The following MTCL3 variants were observed in gnomAD, a reference collection of about 807,000 sequenced individuals.
MTCL3 encodes the protein microtubule cross-linking factor 3.
the MTCL3 span, among the ~76,000 whole-genome samples, chr6:127,510,694 ACT>A: frequency 6.6e-6 from 1 of 152,152 alleles, no homozygotes; most frequent in Non-Finnish European, 1.5e-5. Flanking sequence ...AATTTAAAAC[ACT>A]CAAGGAATAT....
the MTCL3 span, among the ~76,000 whole-genome samples, chr6:127,511,754 G>A: frequency 6.6e-6 from 1 of 152,060 alleles, no homozygotes; most frequent in Non-Finnish European, 1.5e-5. Flanking sequence ...TTAAAGTCAG[G>A]ATAATATAAG....
the MTCL3 span, chr6:127,516,255 AG>A: frequency 6.8e-7 from 1 of 1,460,562 alleles, no homozygotes; most frequent in Non-Finnish European, 9.0e-7. Context: ...CACCAGCCAC[AG>A]GCTGGACAGC....
At chr6:127,483,979 G>A in the MTCL3 span, among the ~76,000 whole-genome samples, 5 of 152,174 alleles carry the variant, frequency 3.3e-5, no homozygotes, top group Non-Finnish European at 7.3e-5. Flanking sequence ...CTGTGAAGCA[G>A]GGGTTTTGAT....
At chr6:127,516,270 C>T in the MTCL3 span, 4 of 1,488,734 alleles carry the variant, frequency 2.7e-6, no homozygotes, top group South Asian at 2.6e-5. Context: ...GGACAGCTCC[C>T]GGAGCGGCCC....
At chr6:127,491,398 A>T in the MTCL3 span, among the ~76,000 whole-genome samples, 1 of 152,224 alleles carries the variant, frequency 6.6e-6, no homozygotes, top group South Asian at 2.1e-4. Flanking sequence ...AGCCATCAAC[A>T]TCCAGGGAAG....
At chr6:127,511,389 G>T in the MTCL3 span, among the ~76,000 whole-genome samples, 1 of 151,996 alleles carries the variant, frequency 6.6e-6, no homozygotes, top group East Asian at 1.9e-4. Flanking sequence ...GTACATTATT[G>T]TTGAAGAAAT....
the MTCL3 span, chr6:127,475,936 T>G: frequency 1.9e-6 from 3 of 1,613,004 alleles, no homozygotes; most frequent in East Asian, 2.2e-5. The surrounding 1 kb of genome is among the most constrained non-coding windows in gnomAD (Gnocchi z 7.3). Flanking sequence ...GGCCTCGGTC[T>G]TGGCGTTGTC....
the MTCL3 span, among the ~76,000 whole-genome samples, chr6:127,488,050 C>T: frequency 1.3e-5 from 2 of 152,098 alleles, no homozygotes; most frequent in Admixed American, 6.5e-5. Flanking sequence ...CCAAACAAGC[C>T]CTTCAACCTC....
At chr6:127,497,177 A>T in the MTCL3 span, among the ~76,000 whole-genome samples, 1 of 152,250 alleles carries the variant, frequency 6.6e-6, no homozygotes, top group Non-Finnish European at 1.5e-5. Flanking sequence ...ATTATATTAC[A>T]TGTAAAATAT....
At chr6:127,514,829 G>A in the MTCL3 span, 2 of 1,611,416 alleles carry the variant, frequency 1.2e-6, no homozygotes, top group Non-Finnish European at 1.7e-6. Flanking sequence ...AGACCTTGAG[G>A]TCCTGCTCCA....
chr6:127,477,484 G>A, the MTCL3 span, among the ~76,000 whole-genome samples: 1 of 151,882 alleles, frequency 6.6e-6, no homozygotes, highest in Non-Finnish European at 1.5e-5. Flanking sequence ...TGTGAACTTT[G>A]GTTTCTTCAT....
the MTCL3 span, among the ~76,000 whole-genome samples, chr6:127,508,736 G>A: frequency 6.6e-6 from 1 of 152,132 alleles, no homozygotes; most frequent in Non-Finnish European, 1.5e-5. Context: ...TTGCTCAAAT[G>A]TCTCTTATCA....
chr6:127,515,606 G>A, the MTCL3 span: 33 of 1,424,218 alleles, frequency 2.3e-5, no homozygotes, highest in Middle Eastern at 1.9e-4. This position sits in a 1 kb window ranked among gnomAD's most constrained non-coding sequence, Gnocchi z 4.3. Context: ...TGCGACGAAG[G>A]GGGCGCTGCC....
the MTCL3 span, among the ~76,000 whole-genome samples, chr6:127,490,065 A>G: frequency 2.6e-5 from 4 of 152,252 alleles, no homozygotes; most frequent in African/African-American, 4.8e-5. Flanking sequence ...GATAATTTTA[A>G]GTTGAAACCA....
At chr6:127,498,097 G>C in the MTCL3 span, among the ~76,000 whole-genome samples, 2 of 152,042 alleles carry the variant, frequency 1.3e-5, no homozygotes, top group Non-Finnish European at 2.9e-5. Context: ...ATACAAATTG[G>C]ACTTGATCAA....
chr6:127,516,277 G>T, the MTCL3 span: 1 of 1,507,326 alleles, frequency 6.6e-7, no homozygotes, highest in Non-Finnish European at 8.8e-7. Flanking sequence ...TCCCGGAGCG[G>T]CCCCTTTGGG....
chr6:127,477,642 G>C, the MTCL3 span, among the ~76,000 whole-genome samples: 2 of 152,192 alleles, frequency 1.3e-5, no homozygotes, highest in South Asian at 2.1e-4. Flanking sequence ...ATACCACACA[G>C]AGCCTTTGAG....
chr6:127,513,564 T>C, the MTCL3 span, among the ~76,000 whole-genome samples: 1 of 152,238 alleles, frequency 6.6e-6, no homozygotes, highest in Non-Finnish European at 1.5e-5. Context: ...TAGCTTGAAT[T>C]CCAGTTGCTT....
the MTCL3 span, chr6:127,515,409 A>T: frequency 8.7e-7 from 1 of 1,143,578 alleles, no homozygotes; most frequent in Non-Finnish European, 1.2e-6. The surrounding 1 kb of genome is among the most constrained non-coding windows in gnomAD (Gnocchi z 4.3). Context: ...TCCCTCTTCA[A>T]GGCTCCCTAA....
Sources: gnomAD v4.1 joint callset for allele counts (sites outside exome capture counted in the v4.1 genomes callset) on GRCh38, gnomAD v4.1.1 for gene constraint, Gnocchi (gnomAD v3.1) non-coding constraint, MANE v1.5 for transcripts, NCBI Gene and HGNC (gene_info 2026-07-23, HGNC 2026-07-21) for gene names.